The following ESF1 variants were observed in gnomAD, a reference collection of about 807,000 sequenced individuals.
The protein encoded by ESF1 is ESF1 homolog.
Under a neutral mutation model 92.0 loss-of-function variants are expected in ESF1, and 58 were observed. The observed-to-expected ratio is 0.63, with a 90% confidence interval of 0.51 to 0.78. The LOEUF (loss-of-function observed/expected upper bound fraction) is 0.78, where lower values mean the gene tolerates loss of function less well. ESF1 is among the 30% of genes least tolerant of loss of function. The probability of loss-of-function intolerance (pLI) is 0.00; values close to 1 mark genes in which losing one functional copy is unlikely to be tolerated. For synonymous variants in ESF1, 321 were observed against 313.7 expected (o/e 1.02, Z -0.24); for missense variants, 922 against 989.1 (o/e 0.93, Z 0.91).
In ESF1 at chr20:13,784,880, C is replaced by G; in HGVS notation, c.-44G>C. 1.6e-6 allele frequency: 1 copy of G among 609,152 alleles called. No individual in the cohort carries two copies. The highest frequency in any genetic ancestry group is 2.9e-6 in the Non-Finnish European group (1 of 344,662). The allele number at this position is 609,152 out of a possible 1,614,324, so 37.7% of individuals were successfully genotyped here. A position where few individuals can be genotyped will look rare whatever the true frequency, so the allele number is the denominator to read the frequency against. On this transcript the variant is annotated splice_region_variant and 5_prime_UTR_variant, in exon 1 of 14. Coordinates refer to ENST00000617257, the MANE Select transcript of ESF1 (RefSeq NM_001276380.2). ...TCAACTCCAGTCCATCCCCACTCACCGTCCGCAGTCCTACCAAGCCTCACG... is the reference window on the plus strand; with the variant it reads ...TCAACTCCAGTCCATCCCCACTCACGGTCCGCAGTCCTACCAAGCCTCACG...
Position 13,717,489 on chromosome 20 carries a change from T to A in ESF1, c.2141A>T (p.Asp714Val), listed in dbSNP as rs2049837731. 2 of 1,613,832 alleles carry A rather than the reference T, an allele frequency of 1.2e-6. No individual in the cohort carries two copies. Among genetic ancestry groups the A allele is most frequent in the Non-Finnish European group, 1.7e-6 (2 of 1,180,016 alleles). The change falls in exon 13 of 14, where the codon GAT becomes GTT. Residue 714 changes from aspartate to valine, a missense_variant. Asp to Val is a radical substitution (Grantham distance 152). Transcript: ENST00000617257. ...GTGTTTCTTACTGTCCTCGTCCTCA[T>A]CCATCATAAGCAAAGCCATTTCAGC... ...QKAEMALLMM[D>V]EDEDSKKHFN...
intron 9 of ESF1, among the ~76,000 whole-genome samples, chr20:13,749,148 C>T (rs1046998821): frequency 1.3e-5 from 2 of 151,738 alleles, no homozygotes; most frequent in Non-Finnish European, 2.9e-5. Flanking sequence ...TCACTGCAAC[C>T]TCCACCTCCT....
rs763575971 is a variant in ESF1, at chr20:13,774,108, T to A, written c.1149+1049A>T. ...AGACTCCATCTCAAAAAAAAAAAAA[T>A]AGTTTATTAGCTACTCTTAATTTGT... On this transcript the variant is annotated intron_variant, in intron 4 of 13. Transcript: ENST00000617257. Among the ~76,000 whole-genome samples the A allele has an allele frequency of 7.3e-5, 11 of 150,808 alleles. No individual in the cohort carries two copies. In the South Asian group the frequency reaches 1.3e-3, roughly 17 times the overall value.
Position 13,747,247 on chromosome 20 carries a change from A to G in ESF1, c.1828+12445T>C, listed in dbSNP as rs1219364626. On this transcript the variant is annotated intron_variant, in intron 9 of 13. Transcript: ENST00000617257. ...TATTTGAAAGAGTATACCAGAGAAAAATGAGTTGTATATTAAAAAAAAAAA... is the reference window on the plus strand; with the variant it reads ...TATTTGAAAGAGTATACCAGAGAAAGATGAGTTGTATATTAAAAAAAAAAA... Among the ~76,000 whole-genome samples, 8 of 136,290 alleles carry G rather than the reference A, an allele frequency of 5.9e-5. 1 individual carries two copies. Among genetic ancestry groups the G allele is most frequent in the African/African-American group, 1.9e-4 (7 of 36,510 alleles). 89.4% of individuals were successfully genotyped at this position (136,290 alleles called of 152,430 possible). A position where few individuals can be genotyped will look rare whatever the true frequency, so the allele number is the denominator to read the frequency against.
At chr20:13,781,952 T>C (rs1365783351) in intron 2 of ESF1, among the ~76,000 whole-genome samples, 2 of 152,152 alleles carry the variant, frequency 1.3e-5, no homozygotes, top group Non-Finnish European at 2.9e-5. Context: ...TCTCAGCTTA[T>C]TGCAACCTCC....
intron 2 of ESF1, among the ~76,000 whole-genome samples, chr20:13,781,681 C>T (rs7267158): frequency 0.016 from 2,471 of 152,244 alleles, 74 homozygotes; most frequent in African/African-American, 0.055. Flanking sequence ...TCTGTGTGTC[C>T]AGAGAGCATG....
chr20:13,753,954 T>C (rs1978758646), intron 9 of ESF1, among the ~76,000 whole-genome samples: 1 of 152,210 alleles, frequency 6.6e-6, no homozygotes, highest in South Asian at 2.1e-4. Flanking sequence ...AGACTAACAA[T>C]TCCCTTGGTG....
chr20:13,747,693 G>A (rs962371259), intron 9 of ESF1, among the ~76,000 whole-genome samples: 2 of 115,990 alleles, frequency 1.7e-5, no homozygotes, highest in Non-Finnish European at 3.5e-5. Context: ...AGCTAATGAT[G>A]GAACACTTTC....
At chr20:13,755,043 T>C (rs538758685) in intron 9 of ESF1, among the ~76,000 whole-genome samples, 25 of 152,348 alleles carry the variant, frequency 1.6e-4, no homozygotes, top group Admixed American at 1.6e-3. Flanking sequence ...ATGTTTCTTA[T>C]ATATCTGTCA....
chr20:13,784,887 A>T lies in ESF1; in HGVS notation c.-51T>A. The T allele has an allele frequency of 1.6e-6, 1 of 614,226 alleles. No individual in the cohort carries two copies. Among genetic ancestry groups the T allele is most frequent in the Admixed American group, 2.9e-5 (1 of 34,826 alleles). 38.0% of individuals were successfully genotyped at this position (614,226 alleles called of 1,614,324 possible). The stretch of plus-strand genomic sequence containing the variant: ...CAGTCCATCCCCACTCACCGTCCGC[A>T]GTCCTACCAAGCCTCACGTGGGGCT... On this transcript the variant is annotated 5_prime_UTR_variant, in exon 1 of 14. Coordinates refer to ENST00000617257, the MANE Select transcript of ESF1 (RefSeq NM_001276380.2).
At chr20:13,743,752 T>C (rs768791285) in intron 9 of ESF1, among the ~76,000 whole-genome samples, 19 of 152,096 alleles carry the variant, frequency 1.2e-4, no homozygotes, top group Non-Finnish European at 1.9e-4. Context: ...GGTCAAAAAA[T>C]AGGAATGTTC....
At chr20:13,718,121 T>G (rs1019139189) in intron 12 of ESF1, among the ~76,000 whole-genome samples, 2 of 152,202 alleles carry the variant, frequency 1.3e-5, no homozygotes, top group African/African-American at 2.4e-5. Flanking sequence ...TAAATAACCA[T>G]GTACACTAGT....
At position 13,744,115 on chromosome 20, in the gene ESF1, C is replaced by G. The variant is rs547132326; in HGVS notation, c.1829-10273G>C. On this transcript the variant is annotated intron_variant, in intron 9 of 13. Transcript: ENST00000617257. ...CCAATCAATAAAAAGAGGCCCATGC[C>G]GGACCATTGATGAGAGACTGTCTTA... 2.2e-3 allele frequency among the ~76,000 whole-genome samples: 328 copies of G among 152,246 alleles called. 1 individual carries two copies. The highest frequency in any genetic ancestry group is 7.8e-3 in the African/African-American group (322 of 41,544).
chr20:13,725,461 C>T (rs2049895096), intron 11 of ESF1, among the ~76,000 whole-genome samples: 1 of 152,160 alleles, frequency 6.6e-6, no homozygotes, highest in Admixed American at 6.5e-5. Flanking sequence ...AAAAGATCTA[C>T]ATTCTTGGTC....
At chr20:13,753,849 A>C (rs564829545) in intron 9 of ESF1, among the ~76,000 whole-genome samples, 1 of 152,312 alleles carries the variant, frequency 6.6e-6, no homozygotes, top group South Asian at 2.1e-4. Flanking sequence ...GAATTTTTGC[A>C]ATCAAACTTT....
At chr20:13,769,033 A>T (rs528111978) in intron 7 of ESF1, among the ~76,000 whole-genome samples, 7 of 152,150 alleles carry the variant, frequency 4.6e-5, no homozygotes, top group Non-Finnish European at 8.8e-5. Context: ...TAATTATTCC[A>T]TATCAATTCT....
intron 8 of ESF1, 44 bp downstream of exon 8, chr20:13,766,733 C>T: frequency 6.3e-7 from 1 of 1,598,480 alleles, no homozygotes; most frequent in Non-Finnish European, 8.5e-7. Flanking sequence ...AAGCTACTGC[C>T]AAAGACCTAT....
chr20:13,730,868 T>C (rs2049938309), intron 10 of ESF1, among the ~76,000 whole-genome samples: 1 of 152,118 alleles, frequency 6.6e-6, no homozygotes, highest in South Asian at 2.1e-4. Context: ...CAGGTATTCA[T>C]TTCTTCAGTA....
At chr20:13,730,591 A>C (rs2049936108) in intron 10 of ESF1, among the ~76,000 whole-genome samples, 1 of 151,246 alleles carries the variant, frequency 6.6e-6, no homozygotes, top group African/African-American at 2.4e-5. Context: ...TCACTGTGTT[A>C]GCCAGGATGG....
Sources: gnomAD v4.1 joint callset for allele counts (sites outside exome capture counted in the v4.1 genomes callset) on GRCh38, gnomAD v4.1.1 for gene constraint, MANE v1.5 for transcripts, NCBI Gene and HGNC (gene_info 2026-07-23, HGNC 2026-07-21) for gene names.